Variants in PTPRU observed in about 807,000 individuals in gnomAD.
PTPRU encodes the protein protein tyrosine phosphatase receptor type U.
PTPRU carries 69 observed loss-of-function variants against 166.3 expected under a neutral mutation model. The observed-to-expected ratio is 0.41, with a 90% CI of 0.34 to 0.51. The LOEUF is 0.51. Among genes scored for constraint, PTPRU ranks in the 20% least tolerant of loss-of-function variants. The probability of loss-of-function intolerance (pLI) is 0.09; values close to 1 mark genes in which losing one functional copy is unlikely to be tolerated. For synonymous variants in PTPRU, 793 were observed against 814.0 expected, an observed-to-expected ratio of 0.97 and a Z score of 0.44; for missense variants, 1,657 against 2,013.7, an observed-to-expected ratio of 0.82 and a Z score of 3.39.
rs1688399880 is a variant in PTPRU, at chr1:29,326,162, G to A, written c.*501G>A. 1 of 335,696 alleles carries A rather than the reference G, an allele frequency of 3.0e-6. No homozygotes were observed. Among genetic ancestry groups the A allele is most frequent in the Non-Finnish European group, 5.4e-6 (1 of 186,324 alleles). The allele number at this position is 335,696 out of a possible 1,614,324, so 20.8% of individuals were successfully genotyped here. The stretch of plus-strand genomic sequence containing the variant: ...GCCCCTGAAGGTCCTGGGGAAGCAG[G>A]TCTCAATTCTGAATAGCCAGTGGGG... On this transcript the variant is annotated 3_prime_UTR_variant, in exon 30 of 30. Transcript: ENST00000373779.
At chr1:29,262,619 A>G (rs1043021552) in intron 7 of PTPRU, among the ~76,000 whole-genome samples, 3 of 152,202 alleles carry the variant, frequency 2.0e-5, no homozygotes, top group Non-Finnish European at 4.4e-5. Flanking sequence ...TATGTATAGG[A>G]AAAACATAGT....
intron 15 of PTPRU, among the ~76,000 whole-genome samples, chr1:29,294,435 G>T (rs1468681589): frequency 6.6e-6 from 1 of 152,078 alleles, no homozygotes; most frequent in East Asian, 1.9e-4. Context: ...TGCTTTCTTA[G>T]TGGTTTTTAG....
intron 15 of PTPRU, among the ~76,000 whole-genome samples, chr1:29,295,742 A>T (rs1484654119): frequency 6.6e-6 from 1 of 151,852 alleles, no homozygotes; most frequent in Non-Finnish European, 1.5e-5. Flanking sequence ...GCTGGAGTGC[A>T]GTGGCGCAAT....
At position 29,260,001 on chromosome 1, in the gene PTPRU, G is replaced by A; in HGVS notation, c.807G>A (p.Pro269=). ...QDLYRCVSQA[P]RGAGVSNFAE... ...TGTACCGCTGTGTGTCCCAGGCCCC[G>A]CGCGGCGCGGGCGTCTCTAACTTCG... The change falls in exon 6 of 30, where the codon CCG becomes CCA. Residue 269 remains proline, a synonymous_variant. Coordinates refer to ENST00000373779, the MANE Select transcript of PTPRU (RefSeq NM_133178.4). The surrounding 1 kb of genome is among the most constrained non-coding windows in gnomAD (Gnocchi z 8.3). 2.0e-6 allele frequency: 3 copies of A among 1,498,212 alleles called. No individual in the cohort carries two copies. The highest frequency in any genetic ancestry group is 1.8e-6 in the Non-Finnish European group (2 of 1,132,242). The allele number at this position is 1,498,212 out of a possible 1,614,324, so 92.8% of individuals were successfully genotyped here.
At chr1:29,262,948 T>C (rs1055719306) in intron 7 of PTPRU, among the ~76,000 whole-genome samples, 1 of 152,152 alleles carries the variant, frequency 6.6e-6, no homozygotes, top group Non-Finnish European at 1.5e-5. Context: ...TAATATATAA[T>C]CTTTTGTGAC....
At chr1:29,287,512 G>C (rs1686410218) in intron 14 of PTPRU, among the ~76,000 whole-genome samples, 1 of 151,984 alleles carries the variant, frequency 6.6e-6, no homozygotes, top group Non-Finnish European at 1.5e-5. Context: ...GTGGTTTGTG[G>C]GCACTGCTGG....
chr1:29,279,796 TA>T lies in PTPRU; in HGVS notation c.1765+142del. The T allele has an allele frequency of 9.0e-7, 1 of 1,115,950 alleles. No homozygotes were observed. The allele number at this position is 1,115,950 out of a possible 1,614,324, so 69.1% of individuals were successfully genotyped here. ...TGAGATAAATATGCCATTTAGGAGTTAAAGTCAGGCTCAGGGAGGATGAAGT... is the reference window on the plus strand; with the variant it reads ...TGAGATAAATATGCCATTTAGGAGTTAAGTCAGGCTCAGGGAGGATGAAGT... On this transcript the variant is annotated intron_variant, in intron 10 of 29. Coordinates refer to ENST00000373779, the MANE Select transcript of PTPRU (RefSeq NM_133178.4). This position sits in a 1 kb window ranked among gnomAD's most constrained non-coding sequence, Gnocchi z 5.2.
At position 29,320,429 on chromosome 1, in the gene PTPRU, G is replaced by T; in HGVS notation, c.3688-256G>T. 1 of 378,544 alleles carries T rather than the reference G, an allele frequency of 2.6e-6. No homozygotes were observed. The highest frequency in any genetic ancestry group is 4.7e-6 in the Non-Finnish European group (1 of 213,740). 23.4% of individuals were successfully genotyped at this position (378,544 alleles called of 1,614,324 possible). ...TCAGCCTCATGCCCAAGCTCCCCTC[G>T]CCATACCTTTGGAAACTTTTGCTGT... On this transcript the variant is annotated intron_variant, in intron 25 of 29. Coordinates refer to ENST00000373779, the MANE Select transcript of PTPRU (RefSeq NM_133178.4). The surrounding 1 kb of genome is among the most constrained non-coding windows in gnomAD (Gnocchi z 5.2).
intron 7 of PTPRU, among the ~76,000 whole-genome samples, chr1:29,273,711 TTATTTA>T (rs1685674952): frequency 6.6e-6 from 1 of 152,078 alleles, no homozygotes; most frequent in Admixed American, 6.6e-5. Flanking sequence ...CCCAGTTTCT[TTATTTA>T]TAAGATGGGG....
chr1:29,237,192 T>C lies in PTPRU; in HGVS notation c.73+475T>C, dbSNP rs150010072. Reference sequence around the variant, plus strand: ...TATGCCTGTGGCCAAGGGTGCTCTCTGGATCCCGCCTGAGTGTGGATCCGG... The same window carrying C: ...TATGCCTGTGGCCAAGGGTGCTCTCCGGATCCCGCCTGAGTGTGGATCCGG... On this transcript the variant is annotated intron_variant, in intron 1 of 29. Coordinates refer to ENST00000373779, the MANE Select transcript of PTPRU (RefSeq NM_133178.4). This position sits in a 1 kb window ranked among gnomAD's most constrained non-coding sequence, Gnocchi z 6.4. 1.3e-5 allele frequency among the ~76,000 whole-genome samples: 2 copies of C among 152,278 alleles called. No homozygotes were observed. The highest frequency in any genetic ancestry group is 2.9e-5 in the Non-Finnish European group (2 of 68,018).
intron 14 of PTPRU, chr1:29,289,780 C>G: frequency 6.4e-7 from 1 of 1,571,148 alleles, no homozygotes; most frequent in Non-Finnish European, 8.7e-7. Context: ...TCCCCGCCTT[C>G]TCTGGTTGGG....
rs1686268079 is a variant in PTPRU, at chr1:29,284,834, T to C, written c.2283T>C (p.Leu761=). The change falls in exon 14 of 30, where the codon CTT becomes CTC. Residue 761 remains leucine (L), a synonymous_variant. Transcript: ENST00000373779. ...CAGGGGGGCTTGCTGTCCTCATCCT[T>C]CTCCTGGGTGCCATCATTGTCATCA... ...ICAGGLAVLI[L]LLGAIIVIIR... is the part of the protein sequence containing the mutation. The C allele has an allele frequency of 6.2e-7, 1 of 1,612,760 alleles. No individual in the cohort carries two copies. The highest frequency in any genetic ancestry group is 1.7e-5 in the Admixed American group (1 of 59,910).
At chr1:29,300,140 G>A (rs1687073105) in intron 15 of PTPRU, among the ~76,000 whole-genome samples, 2 of 152,254 alleles carry the variant, frequency 1.3e-5, no homozygotes, top group South Asian at 4.1e-4. Context: ...CTTGACATGT[G>A]AGAATGGAAG....
At chr1:29,269,358 G>C (rs897922719) in intron 7 of PTPRU, among the ~76,000 whole-genome samples, 2 of 140,544 alleles carry the variant, frequency 1.4e-5, no homozygotes, top group African/African-American at 5.3e-5. Context: ...GCCTCCCAAA[G>C]TGCTGGGATT....
intron 2 of PTPRU, among the ~76,000 whole-genome samples, chr1:29,255,910 G>A (rs763119032): frequency 6.6e-6 from 1 of 152,218 alleles, no homozygotes; most frequent in Non-Finnish European, 1.5e-5. Context: ...CCTATTTCAA[G>A]ATGGGGCACC....
At chr1:29,283,914 G>A in intron 12 of PTPRU, 26 bp from the exon 13 acceptor site, 1 of 1,613,990 alleles carries the variant, frequency 6.2e-7, no homozygotes, top group Middle Eastern at 1.7e-4. Context: ...CTTCAGCAAC[G>A]CTGAGACCCC....
chr1:29,307,291 C>G (rs1185123958), intron 18 of PTPRU: 5 of 1,152,644 alleles, frequency 4.3e-6, no homozygotes, highest in Non-Finnish European at 6.3e-6. Context: ...CACCAACCGT[C>G]CATTTCAGCA....
chr1:29,291,758 G>A lies in PTPRU; in HGVS notation c.2319-111G>A. The A allele has an allele frequency of 8.7e-7, 1 of 1,150,944 alleles. No individual in the cohort carries two copies. The highest frequency in any genetic ancestry group is 1.2e-6 in the Non-Finnish European group (1 of 805,964). 71.3% of individuals were successfully genotyped at this position (1,150,944 alleles called of 1,614,324 possible). On this transcript the variant is annotated intron_variant, in intron 14 of 29. Coordinates refer to ENST00000373779, the MANE Select transcript of PTPRU (RefSeq NM_133178.4). The surrounding 1 kb of genome is among the most constrained non-coding windows in gnomAD (Gnocchi z 4.1). ...AGCATCCAGAGATGCTTCTAGGACA[G>A]CTGCTGGCTCCTGGCCTTGAGGTCC...
In PTPRU at chr1:29,315,015, G is replaced by A. The variant is rs191532143; in HGVS notation, c.3228-357G>A. On this transcript the variant is annotated intron_variant, in intron 22 of 29. Coordinates refer to ENST00000373779, the MANE Select transcript of PTPRU (RefSeq NM_133178.4). This position sits in a 1 kb window ranked among gnomAD's most constrained non-coding sequence, Gnocchi z 4.5. ...GTGTGGGCTTTTCAAGGATGTGTAG[G>A]AGATTTGGTGGTTTTCAGGAGGAAA... is the stretch of plus-strand genomic sequence containing the variant. Among the ~76,000 whole-genome samples, 103 of 152,292 alleles carry A rather than the reference G, an allele frequency of 6.8e-4. No individual in the cohort carries two copies. Among genetic ancestry groups the A allele is most frequent in the South Asian group, 1.2e-3 (6 of 4,820 alleles).
Sources: allele counts gnomAD v4.1 joint callset (sites outside exome capture counted in the v4.1 genomes callset), GRCh38; gene constraint gnomAD v4.1.1; non-coding constraint Gnocchi (gnomAD v3.1); transcripts MANE v1.5; gene names NCBI Gene and HGNC (gene_info 2026-07-23, HGNC 2026-07-21).